L3MBTL4: variants seen among roughly 807,000 people sequenced by gnomAD.
The protein encoded by L3MBTL4 is lethal(3)malignant brain tumor-like protein 4.
Under a neutral mutation model 84.5 loss-of-function variants are expected in L3MBTL4, and 70 were observed. That is an observed-to-expected ratio of 0.83 (90% CI 0.68 to 1.01). L3MBTL4 has a LOEUF of 1.01. L3MBTL4 is among the 50% of genes least tolerant of loss of function. The probability of loss-of-function intolerance (pLI) is 0.00; values close to 1 mark genes in which losing one functional copy is unlikely to be tolerated. For synonymous variants in L3MBTL4, 274 were observed against 259.8 expected, an observed-to-expected ratio of 1.05 and a Z score of -0.52; for missense variants, 715 against 754.8, an observed-to-expected ratio of 0.95 and a Z score of 0.62.
intron 12 of L3MBTL4, among the ~76,000 whole-genome samples, chr18:6,185,327 C>T (rs369218420): frequency 1.3e-5 from 2 of 152,220 alleles, no homozygotes; most frequent in Non-Finnish European, 2.9e-5. Flanking sequence ...GCTCCCTTCT[C>T]CCCTCCAGAT....
intron 1 of L3MBTL4, among the ~76,000 whole-genome samples, chr18:6,358,653 A>G (rs1292817393): frequency 6.6e-6 from 1 of 152,048 alleles, no homozygotes; most frequent in African/African-American, 2.4e-5. Context: ...CAAATCCAAG[A>G]CCTCCTAGGA....
At chr18:6,068,189 GA>G (rs1285305696) in intron 16 of L3MBTL4, among the ~76,000 whole-genome samples, 1 of 152,146 alleles carries the variant, frequency 6.6e-6, no homozygotes, top group Non-Finnish European at 1.5e-5. Context: ...AGGATCTCTT[GA>G]AGCTTATCTC....
chr18:6,163,274 T>G (rs61399092), intron 13 of L3MBTL4, among the ~76,000 whole-genome samples: 3,273 of 78,604 alleles, frequency 0.042, 32 homozygotes, highest in Non-Finnish European at 0.05. Context: ...GGGGGGTGGG[T>G]GTGTGTGTGT....
Position 6,241,480 on chromosome 18 carries a change from C to A in L3MBTL4, c.461-31G>T, listed in dbSNP as rs553154919. On this transcript the variant is annotated intron_variant, in intron 7 of 18. Transcript: ENST00000317931. ...AAAAGCACAGATTACTCAAAATACC[C>A]AAAAGATGTAATCACATGCATATTA... 63 of 1,209,996 alleles carry A rather than the reference C, an allele frequency of 5.2e-5. 2 individuals are homozygous for A. Among genetic ancestry groups the A allele is most frequent in the South Asian group, 2.2e-4 (17 of 77,804 alleles). The allele number at this position is 1,209,996 out of a possible 1,614,324, so 75.0% of individuals were successfully genotyped here.
chr18:6,335,954 G>A (rs148317293), intron 1 of L3MBTL4, among the ~76,000 whole-genome samples: 123 of 152,294 alleles, frequency 8.1e-4, no homozygotes, highest in African/African-American at 2.9e-3. Context: ...CAAGCTGTAT[G>A]TAGTCACTCC....
At chr18:6,182,914 A>T in intron 12 of L3MBTL4, among the ~76,000 whole-genome samples, 1 of 152,220 alleles carries the variant, frequency 6.6e-6, no homozygotes, top group Non-Finnish European at 1.5e-5. Flanking sequence ...GTCAGAAACC[A>T]TTCTTAATTT....
At chr18:6,020,829 A>T (rs920179578) in intron 16 of L3MBTL4, among the ~76,000 whole-genome samples, 1 of 152,154 alleles carries the variant, frequency 6.6e-6, no homozygotes, top group African/African-American at 2.4e-5. Flanking sequence ...GACTAGTTTC[A>T]TATGTCTGGG....
chr18:5,993,164 C>T (rs904321724), intron 16 of L3MBTL4, among the ~76,000 whole-genome samples: 3 of 152,192 alleles, frequency 2.0e-5, no homozygotes, highest in African/African-American at 2.4e-5. Context: ...GTGTATCTGT[C>T]AGGAGGAGGA....
chr18:6,161,502 T>G (rs2043336629), intron 13 of L3MBTL4, among the ~76,000 whole-genome samples: 1 of 152,212 alleles, frequency 6.6e-6, no homozygotes, highest in Non-Finnish European at 1.5e-5. Flanking sequence ...CGGTGTGCAC[T>G]CTACCTTGGC....
At chr18:6,265,037 C>T (rs2048569970) in intron 4 of L3MBTL4, among the ~76,000 whole-genome samples, 1 of 152,052 alleles carries the variant, frequency 6.6e-6, no homozygotes, top group African/African-American at 2.4e-5. Flanking sequence ...CAGAGAAGGA[C>T]TATGTAATGA....
intron 12 of L3MBTL4, among the ~76,000 whole-genome samples, chr18:6,190,053 C>CA (rs1441048463): frequency 3.3e-5 from 5 of 150,536 alleles, no homozygotes; most frequent in Admixed American, 6.6e-5. Context: ...AACATGGGGG[C>CA]AAAAAAAAGA....
chr18:6,016,510 G>A (rs1369174104), intron 16 of L3MBTL4, among the ~76,000 whole-genome samples: 1 of 152,150 alleles, frequency 6.6e-6, no homozygotes. Flanking sequence ...AAACTGCAAA[G>A]ACACCTTTGT....
chr18:6,093,594 T>C, intron 14 of L3MBTL4, 66 bp from the exon 15 acceptor site: 1 of 1,370,654 alleles, frequency 7.3e-7, no homozygotes, highest in Non-Finnish European at 9.9e-7. Context: ...TCCATTGTCA[T>C]TAGAGCAGAC....
intron 14 of L3MBTL4, among the ~76,000 whole-genome samples, chr18:6,111,142 CG>C (rs1329081069): frequency 1.3e-5 from 2 of 151,778 alleles, no homozygotes; most frequent in African/African-American, 4.8e-5. Context: ...AAGATGGAGC[CG>C]GAGAGGTGAG....
intron 1 of L3MBTL4, among the ~76,000 whole-genome samples, chr18:6,334,794 A>T (rs1324730700): frequency 1.3e-5 from 2 of 152,144 alleles, no homozygotes; most frequent in East Asian, 3.9e-4. Flanking sequence ...ATATGAGCTG[A>T]TTTCCTTACC....
At chr18:5,967,323 A>T (rs1046005216) in intron 17 of L3MBTL4, among the ~76,000 whole-genome samples, 2 of 152,204 alleles carry the variant, frequency 1.3e-5, no homozygotes, top group Non-Finnish European at 2.9e-5. Context: ...CAACTTCCCC[A>T]TGAGTAAAAT....
chr18:6,260,245 G>A (rs992488224), intron 5 of L3MBTL4: 1 of 152,130 alleles, frequency 6.6e-6, no homozygotes, highest in Non-Finnish European at 1.5e-5. Flanking sequence ...TTTTTGCTTA[G>A]GATTGCTTTC....
At chr18:6,243,464 T>C (rs1341489337) in intron 6 of L3MBTL4, 35 bp from the exon 7 acceptor site, 12 of 1,537,388 alleles carry the variant, frequency 7.8e-6, no homozygotes, top group Non-Finnish European at 1.1e-5. Context: ...ATTCGTTAAG[T>C]GTCATATATT....
intron 14 of L3MBTL4, among the ~76,000 whole-genome samples, chr18:6,115,990 AC>A (rs1312945335): frequency 6.6e-6 from 1 of 152,140 alleles, no homozygotes; most frequent in Non-Finnish European, 1.5e-5. Flanking sequence ...ACCAGAAAGA[AC>A]CCTGAGCAAC....
Sources: allele counts gnomAD v4.1 joint callset (sites outside exome capture counted in the v4.1 genomes callset), GRCh38; gene constraint gnomAD v4.1.1; transcripts MANE v1.5; gene names NCBI Gene and HGNC (gene_info 2026-07-23, HGNC 2026-07-21).